Variants in ADGRL2 observed in about 807,000 individuals in gnomAD.
ADGRL2 encodes the protein calcium-independent alpha-latrotoxin receptor 2.
ADGRL2 carries 44 observed loss-of-function variants against 157.4 expected under a neutral mutation model. That is an observed-to-expected ratio of 0.28 (90% confidence interval 0.22 to 0.36). The LOEUF is 0.36. ADGRL2 is among the 10% of genes least tolerant of loss of function. The probability of loss-of-function intolerance (pLI) is 1.00; values close to 1 mark genes in which losing one functional copy is unlikely to be tolerated. For synonymous variants in ADGRL2, 585 were observed against 624.7 expected (o/e 0.94, Z 0.95); for missense variants, 1,510 against 1,768.9 (o/e 0.85, Z 2.63).
intron 2 of ADGRL2, among the ~76,000 whole-genome samples, chr1:81,510,387 G>A (rs1187151143): frequency 1.3e-5 from 2 of 152,118 alleles, no homozygotes; most frequent in Non-Finnish European, 2.9e-5. Context: ...TCCTAGGTGA[G>A]TAATGAAAAG....
chr1:81,365,135 A>G (rs1463056998), intron 1 of ADGRL2, among the ~76,000 whole-genome samples: 1 of 152,180 alleles, frequency 6.6e-6, no homozygotes, highest in Non-Finnish European at 1.5e-5. Context: ...GCTTCCTGTC[A>G]GGACATTCCA....
At chr1:81,869,257 G>A (rs903821543) in intron 2 of ADGRL2, among the ~76,000 whole-genome samples, 4 of 151,438 alleles carry the variant, frequency 2.6e-5, no homozygotes, top group Non-Finnish European at 4.4e-5. Flanking sequence ...TTTCACCTTC[G>A]AAGTTTCTTT....
chr1:81,419,244 C>T (rs2077084854), intron 1 of ADGRL2, among the ~76,000 whole-genome samples: 1 of 152,154 alleles, frequency 6.6e-6, no homozygotes, highest in African/African-American at 2.4e-5. Context: ...TGCTCTGTCA[C>T]CCAGTCTGGA....
chr1:81,783,863 AC>A (rs1557648379), intron 2 of ADGRL2, among the ~76,000 whole-genome samples: 2 of 152,230 alleles, frequency 1.3e-5, no homozygotes, highest in Admixed American at 6.5e-5. Context: ...TATTAAAGAT[AC>A]TAAAATAATA....
chr1:81,772,055 G>C (rs1047624445), intron 2 of ADGRL2, among the ~76,000 whole-genome samples: 10 of 152,118 alleles, frequency 6.6e-5, no homozygotes, highest in African/African-American at 2.2e-4. Context: ...TTTGAGACCA[G>C]CTTGGCCAGC....
chr1:81,745,699 A>G (rs560047356), intron 1 of ADGRL2, among the ~76,000 whole-genome samples: 31 of 152,300 alleles, frequency 2.0e-4, no homozygotes, highest in African/African-American at 7.2e-4. Flanking sequence ...TAAGGGGGGA[A>G]ATGTAGCTTT....
At chr1:81,668,729 A>T (rs1570782642) in intron 3 of ADGRL2, among the ~76,000 whole-genome samples, 1 of 147,116 alleles carries the variant, frequency 6.8e-6, no homozygotes. Flanking sequence ...GGCCCGGCTA[A>T]TTTTTTTTTT....
At chr1:81,420,659 C>A (rs934396571) in intron 1 of ADGRL2, among the ~76,000 whole-genome samples, 3 of 152,170 alleles carry the variant, frequency 2.0e-5, no homozygotes, top group Non-Finnish European at 4.4e-5. Flanking sequence ...CATAATTATA[C>A]ATTCTGCCCA....
At chr1:81,430,130 T>C (rs1433962254) in intron 1 of ADGRL2, among the ~76,000 whole-genome samples, 2 of 152,160 alleles carry the variant, frequency 1.3e-5, no homozygotes, top group Non-Finnish European at 2.9e-5. Context: ...CGACCTCAGG[T>C]GATCCGCCAG....
chr1:81,645,747 C>T (rs79320742), intron 3 of ADGRL2, among the ~76,000 whole-genome samples: 6 of 152,204 alleles, frequency 3.9e-5, no homozygotes, highest in Non-Finnish European at 7.4e-5. Context: ...TCTTGTGAGT[C>T]GTTCTTCACT....
At chr1:81,843,479 A>G (rs2150348354) in intron 2 of ADGRL2, among the ~76,000 whole-genome samples, 1 of 152,276 alleles carries the variant, frequency 6.6e-6, no homozygotes, top group South Asian at 2.1e-4. Context: ...TGCTCTTAGG[A>G]CACTTTAGAT....
Position 81,971,933 on chromosome 1 carries a change from T to G in ADGRL2, c.3021+15T>G. ...TCATTATTCTGGTAAGCAGGTTCTG[T>G]TTTCCCTTGCTTTTTAGCTTGCTGC... On this transcript the variant is annotated intron_variant, in intron 17 of 23. Transcript: ENST00000686636. 1 of 1,590,742 alleles carries G rather than the reference T, an allele frequency of 6.3e-7. No individual in the cohort carries two copies. The highest frequency in any genetic ancestry group is 1.3e-5 in the African/African-American group (1 of 74,448).
At chr1:81,323,606 G>A (rs1660688060) in intron 1 of ADGRL2, among the ~76,000 whole-genome samples, 1 of 151,926 alleles carries the variant, frequency 6.6e-6, no homozygotes, top group Non-Finnish European at 1.5e-5. Context: ...AAGAGGAGAA[G>A]ATAGACTTTA....
intron 3 of ADGRL2, among the ~76,000 whole-genome samples, chr1:81,587,998 C>G (rs943958464): frequency 1.3e-5 from 2 of 152,026 alleles, no homozygotes; most frequent in Non-Finnish European, 2.9e-5. Context: ...GTCAGAATCC[C>G]TAGAAGCAGG....
intron 2 of ADGRL2, among the ~76,000 whole-genome samples, chr1:81,450,238 G>T (rs2077679155): frequency 6.6e-6 from 1 of 152,094 alleles, no homozygotes; most frequent in Non-Finnish European, 1.5e-5. Context: ...TGACTCAGAA[G>T]GAAAACCAAA....
intron 2 of ADGRL2, among the ~76,000 whole-genome samples, chr1:81,768,670 A>G (rs1007946999): frequency 1.3e-5 from 2 of 152,038 alleles, no homozygotes; most frequent in Non-Finnish European, 2.9e-5. Flanking sequence ...ACAGGGTCTC[A>G]CTATGTTGTT....
At chr1:81,820,695 G>T (rs1260027727) in intron 1 of ADGRL2, among the ~76,000 whole-genome samples, 1 of 149,804 alleles carries the variant, frequency 6.7e-6, no homozygotes, top group African/African-American at 2.5e-5. Flanking sequence ...TTGATGTTCT[G>T]ATATTGAGAA....
At chr1:81,334,075 G>A (rs902986516) in intron 1 of ADGRL2, among the ~76,000 whole-genome samples, 3 of 152,160 alleles carry the variant, frequency 2.0e-5, no homozygotes, top group African/African-American at 7.2e-5. Context: ...TCCAGTTTAT[G>A]GCATTTTGTT....
intron 3 of ADGRL2, among the ~76,000 whole-genome samples, chr1:81,913,205 C>T (rs889284233): frequency 6.6e-6 from 1 of 152,106 alleles, no homozygotes; most frequent in African/African-American, 2.4e-5. Flanking sequence ...ATATCCTAAC[C>T]TATTATCTCT....
Sources: gnomAD v4.1 joint callset for allele counts (sites outside exome capture counted in the v4.1 genomes callset) on GRCh38, gnomAD v4.1.1 for gene constraint, MANE v1.5 for transcripts, NCBI Gene and HGNC (gene_info 2026-07-23, HGNC 2026-07-21) for gene names.